The following ACSF3 variants were observed in gnomAD, a reference collection of about 807,000 sequenced individuals.
ACSF3 encodes the protein malonate--CoA ligase ACSF3, mitochondrial.
In ACSF3, 78 loss-of-function variants were observed where a neutral mutation model predicts 53.2. The observed-to-expected ratio is 1.47, with a 90% CI of 1.22 to 1.77. ACSF3 has a LOEUF of 1.77. Among genes scored for constraint, ACSF3 ranks in the 40% most tolerant of loss-of-function variants. The pLI, the probability that ACSF3 is intolerant of heterozygous loss-of-function variation, is 0.00. For missense variants in ACSF3, 937 were observed against 771.1 expected, an observed-to-expected ratio of 1.22 and a Z score of -2.55; for synonymous variants, 414 against 333.1, an observed-to-expected ratio of 1.24 and a Z score of -2.65.
Position 89,100,087 on chromosome 16 carries a change from G to A in ACSF3, c.-20-575G>A, listed in dbSNP as rs186970858. On this transcript the variant is annotated intron_variant, in intron 2 of 10. Transcript: ENST00000614302. ...GCCCAGGAAGTCGAGGCTGCAGTGA[G>A]CCATGATTGCATCACTACACTCCAG... Among the ~76,000 whole-genome samples, 17 of 152,234 alleles carry A rather than the reference G, an allele frequency of 1.1e-4. No homozygotes were observed. In the East Asian group the frequency reaches 3.3e-3, roughly 29 times the overall value.
At chr16:89,142,732 TAGACACACCCACACCTGCAG>T (rs1360108958) in intron 8 of ACSF3, among the ~76,000 whole-genome samples, 17 of 127,716 alleles carry the variant, frequency 1.3e-4, no homozygotes, top group Middle Eastern at 5.9e-3. Context: ...GCCACACCTA[TAGACACACCCACACCTGCAG>T]AGACACACCC....
intron 6 of ACSF3, 53 bp from the exon 7 acceptor site, chr16:89,120,748 C>G: frequency 6.5e-7 from 1 of 1,550,384 alleles, no homozygotes; most frequent in Non-Finnish European, 8.9e-7. Flanking sequence ...TGCTTCTCTC[C>G]TCCAGGTTCC....
At chr16:89,150,972 T>C in intron 10 of ACSF3, 5 of 1,283,018 alleles carry the variant, frequency 3.9e-6, no homozygotes, top group South Asian at 3.7e-5. Context: ...CAAGAAGATA[T>C]CCAGGGAGGA....
intron 1 of ACSF3, among the ~76,000 whole-genome samples, chr16:89,094,700 CTGGGCAACA>C (rs962262355): frequency 1.3e-5 from 2 of 152,110 alleles, no homozygotes; most frequent in Admixed American, 6.5e-5. Flanking sequence ...CAAAGCCAGC[CTGGGCAACA>C]TGGTGAGACC....
intron 8 of ACSF3, among the ~76,000 whole-genome samples, chr16:89,137,764 G>A (rs1424142983): frequency 2.0e-5 from 3 of 152,162 alleles, no homozygotes; most frequent in African/African-American, 4.8e-5. Context: ...TGCTCGGAGC[G>A]AGAAGGGAGC....
intron 4 of ACSF3, 40 bp downstream of exon 4, chr16:89,102,799 A>T: frequency 6.5e-7 from 1 of 1,536,682 alleles, no homozygotes; most frequent in East Asian, 2.3e-5. Context: ...CCCTCAGACT[A>T]GGCGCCTTTC....
At chr16:89,147,541 G>GGGGGGGGGCC (rs1913318547) in intron 10 of ACSF3, 1 of 63,012 alleles carries the variant, frequency 1.6e-5, no homozygotes, top group African/African-American at 6.6e-5. Flanking sequence ...GGGGGGAGGG[G>GGGGGGGGGCC]CCACAGAGCG....
chr16:89,102,798 T>G (rs1431188716), intron 4 of ACSF3, 39 bp downstream of exon 4: 1 of 1,539,466 alleles, frequency 6.5e-7, no homozygotes, highest in South Asian at 1.1e-5. Context: ...ACCCTCAGAC[T>G]AGGCGCCTTT....
chr16:89,124,019 A>C (rs1393781030), intron 7 of ACSF3, among the ~76,000 whole-genome samples: 1 of 73,798 alleles, frequency 1.4e-5, no homozygotes, highest in Non-Finnish European at 3.5e-5. Flanking sequence ...TATCACACGC[A>C]CGCAGTGTGC....
At chr16:89,103,975 T>G (rs1222508875) in intron 4 of ACSF3, among the ~76,000 whole-genome samples, 2 of 152,218 alleles carry the variant, frequency 1.3e-5, no homozygotes, top group Non-Finnish European at 2.9e-5. Context: ...CGGGACCCTG[T>G]GCACAGCATC....
chr16:89,130,404 T>A (rs1909038540), intron 7 of ACSF3, among the ~76,000 whole-genome samples: 1 of 152,106 alleles, frequency 6.6e-6, no homozygotes, highest in Admixed American at 6.5e-5. Flanking sequence ...GGAAACCCTG[T>A]CTCTACTAAA....
rs778575190 is a variant in ACSF3 at position 89,155,128 on chromosome 16, C to T, written c.*921C>T. 33 of 454,130 alleles carry T rather than the reference C, an allele frequency of 7.3e-5. No homozygotes were observed. The highest frequency in any genetic ancestry group is 6.9e-4 in the Middle Eastern group (1 of 1,444). The allele number at this position is 454,130 out of a possible 1,614,324, so 28.1% of individuals were successfully genotyped here. A position where few individuals can be genotyped will look rare whatever the true frequency, so the allele number is the denominator to read the frequency against. ...GTGCACCCACGTTGCATTTACTTAG[C>T]GGGGCCAATTCAGATGCACAGGGGC... is the stretch of plus-strand genomic sequence containing the variant. On this transcript the variant is annotated 3_prime_UTR_variant, in exon 11 of 11. Transcript: ENST00000614302.
chr16:89,126,547 G>C lies in ACSF3; in HGVS notation c.1239+5634G>C, dbSNP rs369037274. Among the ~76,000 whole-genome samples the C allele has an allele frequency of 4.6e-5, 7 of 152,324 alleles. No homozygotes were observed. The South Asian group carries it at 1.2e-3, about 27-fold the overall frequency. On this transcript the variant is annotated intron_variant, in intron 7 of 10. Coordinates refer to ENST00000614302, the MANE Select transcript of ACSF3 (RefSeq NM_001243279.3). ...GCCTCCCAAGATGCTGAGATTACAG[G>C]CATGAGCCTCTGCACACAGTCACGT... is the stretch of plus-strand genomic sequence containing the variant.
At chr16:89,096,485 T>G (rs1974630800) in intron 1 of ACSF3, among the ~76,000 whole-genome samples, 2 of 152,168 alleles carry the variant, frequency 1.3e-5, no homozygotes, top group Non-Finnish European at 2.9e-5. Flanking sequence ...ACCGTGAAGA[T>G]TCAACCTCTG....
chr16:89,109,989 T>C (rs935962185), intron 4 of ACSF3, among the ~76,000 whole-genome samples: 7 of 152,252 alleles, frequency 4.6e-5, no homozygotes, highest in African/African-American at 1.4e-4. Context: ...CTTACTGAGT[T>C]GTAAGAGTTC....
At chr16:89,124,362 G>C (rs1001665467) in intron 7 of ACSF3, among the ~76,000 whole-genome samples, 9 of 150,536 alleles carry the variant, frequency 6.0e-5, no homozygotes, top group African/African-American at 1.2e-4. Flanking sequence ...TGATACCCCT[G>C]TGCACACTGC....
intron 4 of ACSF3, among the ~76,000 whole-genome samples, chr16:89,110,406 C>T (rs1976547730): frequency 6.6e-6 from 1 of 152,186 alleles, no homozygotes; most frequent in South Asian, 2.1e-4. Context: ...GAAAGATTAT[C>T]CTTTTGTCCT....
intron 7 of ACSF3, among the ~76,000 whole-genome samples, chr16:89,122,214 G>A (rs1269531436): frequency 6.7e-6 from 1 of 149,108 alleles, no homozygotes; most frequent in Non-Finnish European, 1.5e-5. Flanking sequence ...ACCTGCAGTG[G>A]CCGCACCTTG....
chr16:89,115,751 G>T (rs1277994632), intron 6 of ACSF3, among the ~76,000 whole-genome samples: 1 of 152,228 alleles, frequency 6.6e-6, no homozygotes, highest in African/African-American at 2.4e-5. Context: ...TGCTGCTCCA[G>T]CGGGCGGTGG....
Sources: allele counts gnomAD v4.1 joint callset (sites outside exome capture counted in the v4.1 genomes callset), GRCh38; gene constraint gnomAD v4.1.1; transcripts MANE v1.5; gene names NCBI Gene and HGNC (gene_info 2026-07-23, HGNC 2026-07-21).